Variants in RABGAP1L observed in about 807,000 individuals in gnomAD.
RABGAP1L encodes the protein rab GTPase-activating protein 1-like.
A neutral mutation model predicts 137.7 loss-of-function variants in RABGAP1L; 63 were observed. The observed-to-expected ratio is 0.46, with a 90% CI of 0.37 to 0.56. The LOEUF (loss-of-function observed/expected upper bound fraction) is 0.56, where lower values mean the gene tolerates loss of function less well. Among genes scored for constraint, RABGAP1L ranks in the 20% least tolerant of loss-of-function variants. The pLI, the probability that RABGAP1L is intolerant of heterozygous loss-of-function variation, is 0.00. For missense variants in RABGAP1L, 1,095 were observed against 1,244.0 expected (o/e 0.88, Z 1.80); for synonymous variants, 431 against 433.7 (o/e 0.99, Z 0.08).
chr1:174,519,761 CTG>C (rs1168204330), intron 13 of RABGAP1L, among the ~76,000 whole-genome samples: 3 of 152,290 alleles, frequency 2.0e-5, no homozygotes, highest in Middle Eastern at 6.8e-3. Flanking sequence ...ACATTGCTAA[CTG>C]TGCGTAGGTT....
intron 13 of RABGAP1L, 100 bp downstream of exon 13, chr1:174,394,245 C>A: frequency 1.4e-6 from 2 of 1,394,562 alleles, no homozygotes; most frequent in South Asian, 1.4e-5. Flanking sequence ...TGAACTTCTT[C>A]ATGAATATAT....
chr1:174,197,603 T>C (rs896577341), intron 1 of RABGAP1L, among the ~76,000 whole-genome samples: 5 of 152,044 alleles, frequency 3.3e-5, no homozygotes, highest in African/African-American at 9.7e-5. Flanking sequence ...ATATCTGTTA[T>C]GCCTGGACAA....
In RABGAP1L at chr1:174,448,574, C is replaced by T; in HGVS notation, c.1710+54429C>T. The T allele has an allele frequency of 4.3e-6, 7 of 1,613,826 alleles. No homozygotes were observed. Among genetic ancestry groups the T allele is most frequent in the Admixed American group, 3.3e-5 (2 of 60,018 alleles). ...TCTTTCCTACAATCAACTGGTCACC[C>T]CTTGTCGCTTGAGAATTTGCATTAT... On this transcript the variant is annotated intron_variant, in intron 13 of 25. Coordinates refer to ENST00000681986, the MANE Select transcript of RABGAP1L (RefSeq NM_001366446.1). The surrounding 1 kb of genome is among the most constrained non-coding windows in gnomAD (Gnocchi z 4.2).
At chr1:174,722,362 A>G (rs1440025149) in intron 17 of RABGAP1L, among the ~76,000 whole-genome samples, 2 of 152,208 alleles carry the variant, frequency 1.3e-5, no homozygotes, top group African/African-American at 4.8e-5. Context: ...GTTTTGTTAT[A>G]TGTAAGATGT....
At chr1:174,607,834 A>G (rs1670898177) in intron 13 of RABGAP1L, among the ~76,000 whole-genome samples, 1 of 152,220 alleles carries the variant, frequency 6.6e-6, no homozygotes, top group Non-Finnish European at 1.5e-5. Context: ...GTGTTTTAGA[A>G]ACCTGTGTAA....
Position 174,559,443 on chromosome 1 carries a change from T to TA in RABGAP1L, c.1711-77928dup, listed in dbSNP as rs1352991830. 9.8e-5 allele frequency among the ~76,000 whole-genome samples: 15 copies of TA among 152,374 alleles called. No homozygotes were observed. In the East Asian group the frequency reaches 2.7e-3, roughly 27 times the overall value. ...TTTGATAATTTAGGATAGAGTATCTTAAAATAACCTTTTTATGTTCTAGAC... is the reference window on the plus strand; with the variant it reads ...TTTGATAATTTAGGATAGAGTATCTTAAAAATAACCTTTTTATGTTCTAGAC... On this transcript the variant is annotated intron_variant, in intron 13 of 25. Coordinates refer to ENST00000681986, the MANE Select transcript of RABGAP1L (RefSeq NM_001366446.1).
Position 174,995,194 on chromosome 1 carries a change from A to G in RABGAP1L, c.*5193A>G, listed in dbSNP as rs1672292738. 1 of 152,246 alleles carries G rather than the reference A, an allele frequency of 6.6e-6. No homozygotes were observed. Among genetic ancestry groups the G allele is most frequent in the Non-Finnish European group, 1.5e-5 (1 of 68,046 alleles). 9.4% of individuals were successfully genotyped at this position (152,246 alleles called of 1,614,324 possible). A position where few individuals can be genotyped will look rare whatever the true frequency, so the allele number is the denominator to read the frequency against. Reference sequence around the variant, plus strand: ...TGAATGAAGCCTTGTGAAATAAACAAATGCAACTGAGAAGGTAACAAGGTG... The same window carrying G: ...TGAATGAAGCCTTGTGAAATAAACAGATGCAACTGAGAAGGTAACAAGGTG... On this transcript the variant is annotated 3_prime_UTR_variant, in exon 26 of 26. Coordinates refer to ENST00000681986, the MANE Select transcript of RABGAP1L (RefSeq NM_001366446.1).
intron 13 of RABGAP1L, among the ~76,000 whole-genome samples, chr1:174,598,538 A>G (rs1027862030): frequency 2.6e-5 from 4 of 152,124 alleles, no homozygotes; most frequent in African/African-American, 4.8e-5. Context: ...ATTGGGGTCT[A>G]TCTCTTTCTT....
intron 13 of RABGAP1L, chr1:174,548,681 AT>A: frequency 1.7e-6 from 1 of 597,180 alleles, no homozygotes; most frequent in Non-Finnish European, 2.1e-6. Context: ...TTAATTATTC[AT>A]TTTGGTTGGA....
At chr1:174,541,335 G>A (rs980233753) in intron 13 of RABGAP1L, among the ~76,000 whole-genome samples, 2 of 152,148 alleles carry the variant, frequency 1.3e-5, no homozygotes, top group Non-Finnish European at 2.9e-5. Flanking sequence ...ATGTTGAATA[G>A]GAGTGGTGAG....
intron 19 of RABGAP1L, chr1:174,892,350 C>G (rs12078839): frequency 0.28 from 98,048 of 351,648 alleles, 16,648 homozygotes; most frequent in African/African-American, 0.58. Flanking sequence ...AAGGAACCAA[C>G]TGGAGAGTCA....
intron 18 of RABGAP1L, among the ~76,000 whole-genome samples, chr1:174,766,500 A>G (rs1302521529): frequency 2.6e-5 from 4 of 152,160 alleles, no homozygotes; most frequent in Non-Finnish European, 5.9e-5. Context: ...CTAGCTTTGT[A>G]ATAAGTTTTG....
chr1:174,216,587 G>GTTTT (rs374265714), intron 1 of RABGAP1L, among the ~76,000 whole-genome samples: 1 of 137,308 alleles, frequency 7.3e-6, no homozygotes. Context: ...TTGCTGTCAT[G>GTTTT]TTTTTTTTTT....
At chr1:174,294,260 C>A (rs1235043854) in intron 10 of RABGAP1L, among the ~76,000 whole-genome samples, 3 of 152,056 alleles carry the variant, frequency 2.0e-5, no homozygotes, top group Non-Finnish European at 4.4e-5. Flanking sequence ...GGGCAGAGTC[C>A]TTTGTGTAGT....
intron 19 of RABGAP1L, chr1:174,874,287 A>C (rs961146430): frequency 1.9e-5 from 3 of 156,420 alleles, no homozygotes; most frequent in Non-Finnish European, 4.2e-5. Context: ...GGAAATAGGA[A>C]TAGGACACAT....
At chr1:174,621,509 T>C (rs373778853) in intron 13 of RABGAP1L, among the ~76,000 whole-genome samples, 2 of 152,136 alleles carry the variant, frequency 1.3e-5, no homozygotes, top group East Asian at 1.9e-4. Flanking sequence ...AACAGAGATA[T>C]AGACCAATGG....
chr1:174,187,382 A>AATT (rs1223192993), intron 1 of RABGAP1L, among the ~76,000 whole-genome samples: 1 of 152,068 alleles, frequency 6.6e-6, no homozygotes, highest in Non-Finnish European at 1.5e-5. Flanking sequence ...ATAGTGTAAT[A>AATT]GCCTTTGGTT....
chr1:174,879,732 C>CA (rs893998777), intron 19 of RABGAP1L, among the ~76,000 whole-genome samples: 17 of 151,080 alleles, frequency 1.1e-4, no homozygotes, highest in South Asian at 2.1e-4. Context: ...AGCTGGAAGA[C>CA]AAAAAAAAGC....
chr1:174,405,220 TTTG>T (rs1261508036), intron 13 of RABGAP1L, among the ~76,000 whole-genome samples: 3 of 152,238 alleles, frequency 2.0e-5, no homozygotes, highest in Non-Finnish European at 2.9e-5. Context: ...TCGTTTTTTA[TTTG>T]TTAAGTTTCA....
Sources: allele counts gnomAD v4.1 joint callset (sites outside exome capture counted in the v4.1 genomes callset), GRCh38; gene constraint gnomAD v4.1.1; non-coding constraint Gnocchi (gnomAD v3.1); transcripts MANE v1.5; gene names NCBI Gene and HGNC (gene_info 2026-07-23, HGNC 2026-07-21).